Variants in RFC3 observed in about 807,000 individuals in gnomAD.
The protein encoded by RFC3 is A1 38 kDa subunit.
Under a neutral mutation model 45.1 loss-of-function variants are expected in RFC3, and 41 were observed. That is an observed-to-expected ratio of 0.91 (90% CI 0.71 to 1.18). RFC3 has a LOEUF of 1.18. Among genes scored for constraint, RFC3 ranks in the 50% most tolerant of loss-of-function variants. The probability of loss-of-function intolerance (pLI) is 0.00; values close to 1 mark genes in which losing one functional copy is unlikely to be tolerated. For missense variants in RFC3, 423 were observed against 428.1 expected (o/e 0.99, Z 0.10); for synonymous variants, 149 against 144.0 (o/e 1.03, Z -0.25).
chr13:33,922,160 T>C (rs2082773326), intron 8 of RFC3, among the ~76,000 whole-genome samples: 1 of 151,980 alleles, frequency 6.6e-6, no homozygotes. Flanking sequence ...CTTTTTTTTT[T>C]TTTTTTTACT....
chr13:33,974,567 A>G, the RFC3 span, among the ~76,000 whole-genome samples: 1 of 152,248 alleles, frequency 6.6e-6, no homozygotes, highest in Non-Finnish European at 1.5e-5. Flanking sequence ...AAATGAGAGA[A>G]TAGTGACCAC....
chr13:33,961,780 CAT>C (rs2137865924), intron 8 of RFC3, among the ~76,000 whole-genome samples: 1 of 152,298 alleles, frequency 6.6e-6, no homozygotes, highest in East Asian at 1.9e-4. Flanking sequence ...TAACTGAGAA[CAT>C]AGAGACCAGA....
chr13:33,820,905 ATATATATT>A (rs1166633357), intron 1 of RFC3, among the ~76,000 whole-genome samples: 3,576 of 18,994 alleles, frequency 0.19, 88 homozygotes, highest in African/African-American at 0.37. Flanking sequence ...TTTTCAGCAT[ATATATATT>A]TATATATATA....
At chr13:33,921,782 A>G (rs185304812) in intron 8 of RFC3, among the ~76,000 whole-genome samples, 6 of 152,210 alleles carry the variant, frequency 3.9e-5, no homozygotes, top group African/African-American at 1.4e-4. Context: ...CCAGACTTCA[A>G]ACACATTTTG....
At chr13:33,933,617 T>C (rs1271834186) in intron 8 of RFC3, among the ~76,000 whole-genome samples, 2 of 152,114 alleles carry the variant, frequency 1.3e-5, no homozygotes, top group Admixed American at 6.6e-5. Flanking sequence ...ATGTACAAAG[T>C]ATTTCATTGT....
At chr13:33,867,956 A>G (rs1353847631) in intron 8 of RFC3, among the ~76,000 whole-genome samples, 1 of 152,224 alleles carries the variant, frequency 6.6e-6, no homozygotes, top group East Asian at 1.9e-4. Context: ...GCCACTGGCT[A>G]CAGAATATTA....
chr13:33,886,623 C>CT (rs902257978), intron 8 of RFC3, among the ~76,000 whole-genome samples: 46 of 146,202 alleles, frequency 3.1e-4, no homozygotes, highest in Non-Finnish European at 4.5e-4. Flanking sequence ...TGAAAGCATC[C>CT]TTTTTTTTTT....
intron 5 of RFC3, among the ~76,000 whole-genome samples, chr13:33,830,221 A>G (rs2082089472): frequency 6.6e-6 from 1 of 152,186 alleles, no homozygotes; most frequent in East Asian, 1.9e-4. Flanking sequence ...CCTTTAAACC[A>G]TCTTTACTTT....
In RFC3 at chr13:33,821,406, G is replaced by A. The variant is rs1173924330; in HGVS notation, c.225+137G>A. 29 of 828,736 alleles carry A rather than the reference G, an allele frequency of 3.5e-5. No homozygotes were observed. The East Asian group carries it at 7.3e-4, about 21-fold the overall frequency. The allele number at this position is 828,736 out of a possible 1,614,324, so 51.3% of individuals were successfully genotyped here. On this transcript the variant is annotated intron_variant, in intron 2 of 8. Transcript: ENST00000380071. Reference sequence around the variant, plus strand: ...TTCCACAGGTAGTCTTGGGGCACAGGATTTGAGAGCTACTGATATGGATCT... The same window carrying A: ...TTCCACAGGTAGTCTTGGGGCACAGAATTTGAGAGCTACTGATATGGATCT...
chr13:33,833,731 AT>A (rs928234199), intron 7 of RFC3, among the ~76,000 whole-genome samples: 19 of 152,134 alleles, frequency 1.2e-4, no homozygotes, highest in Admixed American at 2.6e-4. Context: ...TATTTTTATT[AT>A]TCATGCTTTA....
chr13:33,931,317 CA>C (rs1244197130), intron 8 of RFC3, among the ~76,000 whole-genome samples: 1 of 152,080 alleles, frequency 6.6e-6, no homozygotes, highest in Non-Finnish European at 1.5e-5. Flanking sequence ...TAGCACACAA[CA>C]GCATTGCCTA....
At chr13:33,824,408 T>G (rs898125677) in intron 3 of RFC3, among the ~76,000 whole-genome samples, 2 of 152,172 alleles carry the variant, frequency 1.3e-5, no homozygotes, top group Non-Finnish European at 2.9e-5. Context: ...ATTAGAGGTA[T>G]TATAATAGTT....
At chr13:33,828,956 T>C (rs2082076946) in intron 4 of RFC3, among the ~76,000 whole-genome samples, 1 of 152,206 alleles carries the variant, frequency 6.6e-6, no homozygotes, top group South Asian at 2.1e-4. Flanking sequence ...TGATACTATG[T>C]GGGCCTTTCC....
chr13:33,925,005 G>A (rs2082794478), intron 8 of RFC3, among the ~76,000 whole-genome samples: 1 of 149,686 alleles, frequency 6.7e-6, no homozygotes, highest in South Asian at 2.1e-4. Context: ...TAACTTAATT[G>A]TGGTAATCAT....
chr13:33,823,274 TC>T (rs2082020006), intron 2 of RFC3, among the ~76,000 whole-genome samples: 1 of 152,108 alleles, frequency 6.6e-6, no homozygotes, highest in South Asian at 2.1e-4. Flanking sequence ...GAAAACACAT[TC>T]CCTTCAATCC....
intron 1 of RFC3, among the ~76,000 whole-genome samples, chr13:33,818,674 T>TG (rs1373239629): frequency 6.6e-6 from 1 of 152,112 alleles, no homozygotes; most frequent in Non-Finnish European, 1.5e-5. Flanking sequence ...GGGATGGAGT[T>TG]GGAGTGCAGA....
At chr13:33,920,047 A>G (rs1479349361) in intron 8 of RFC3, among the ~76,000 whole-genome samples, 3 of 152,120 alleles carry the variant, frequency 2.0e-5, no homozygotes, top group Non-Finnish European at 2.9e-5. Context: ...AAGTCTCCCT[A>G]ATCAACCTTC....
chr13:33,843,815 C>T (rs1005791142), intron 8 of RFC3, among the ~76,000 whole-genome samples: 3 of 152,186 alleles, frequency 2.0e-5, no homozygotes, highest in African/African-American at 7.2e-5. Flanking sequence ...TCCACAATGC[C>T]TTTTTCAAAA....
At chr13:33,932,895 TG>T (rs1262106227) in intron 8 of RFC3, among the ~76,000 whole-genome samples, 1 of 152,174 alleles carries the variant, frequency 6.6e-6, no homozygotes, top group Non-Finnish European at 1.5e-5. Context: ...TTGCAAACAT[TG>T]GTTGAGACTT....
Sources: gnomAD v4.1 joint callset for allele counts (sites outside exome capture counted in the v4.1 genomes callset) on GRCh38, gnomAD v4.1.1 for gene constraint, MANE v1.5 for transcripts, NCBI Gene and HGNC (gene_info 2026-07-23, HGNC 2026-07-21) for gene names.